The following CLIP4 variants were observed in gnomAD, a reference collection of about 807,000 sequenced individuals.
The protein encoded by CLIP4 is CAP-Gly domain containing linker protein family member 4, also known as CAP-Gly domain-containing linker protein 4.
CLIP4 carries 47 observed loss-of-function variants against 73.1 expected under a neutral mutation model. The ratio of observed to expected loss-of-function variants is 0.64; its 90% CI spans 0.51 to 0.82. The LOEUF is 0.82. Ranked by LOEUF, CLIP4 falls within the 40% of genes least tolerant of loss-of-function variation. The pLI, the probability that CLIP4 is intolerant of heterozygous loss-of-function variation, is 0.00. For synonymous variants in CLIP4, 306 were observed against 295.4 expected, an observed-to-expected ratio of 1.04 and a Z score of -0.37; for missense variants, 874 against 852.9, an observed-to-expected ratio of 1.02 and a Z score of -0.31.
intron 2 of CLIP4, among the ~76,000 whole-genome samples, chr2:29,126,343 T>G (rs1348172611): frequency 6.6e-6 from 1 of 152,236 alleles, no homozygotes; most frequent in African/African-American, 2.4e-5. Context: ...ATGTTCTCAT[T>G]CTGGGTTATT....
chr2:29,145,135 T>G, intron 7 of CLIP4, 97 bp from the exon 8 acceptor site: 1 of 1,051,260 alleles, frequency 9.5e-7, no homozygotes, highest in Non-Finnish European at 1.4e-6. Flanking sequence ...AGAGAGTGAA[T>G]TTTTAAAAAC....
At chr2:29,177,868 C>T (rs1023069626) in intron 15 of CLIP4, among the ~76,000 whole-genome samples, 1 of 152,158 alleles carries the variant, frequency 6.6e-6, no homozygotes, top group African/African-American at 2.4e-5. Flanking sequence ...GTAAACAGAG[C>T]TCTCAAACAT....
intron 1 of CLIP4, among the ~76,000 whole-genome samples, chr2:29,109,537 T>C (rs561738066): frequency 6.6e-6 from 1 of 152,314 alleles, no homozygotes; most frequent in East Asian, 1.9e-4. Flanking sequence ...CTTGTAGCTA[T>C]TTGAAACCAT....
chr2:29,132,121 G>C, intron 3 of CLIP4, 31 bp from the exon 4 acceptor site: 1 of 1,553,494 alleles, frequency 6.4e-7, no homozygotes, highest in East Asian at 2.2e-5. Context: ...CAGTAGTTAG[G>C]TTGTAACCAT....
intron 2 of CLIP4, among the ~76,000 whole-genome samples, chr2:29,127,080 C>T (rs1405841304): frequency 1.3e-5 from 2 of 152,092 alleles, no homozygotes; most frequent in Non-Finnish European, 2.9e-5. Context: ...AGTTTTGTCT[C>T]ATTAAGCTGG....
At chr2:29,143,557 A>T in intron 6 of CLIP4, 152 bp from the exon 7 acceptor site, 2 of 626,956 alleles carry the variant, frequency 3.2e-6, no homozygotes, top group Non-Finnish European at 2.8e-6. Context: ...AGCACCTAGA[A>T]TGGTGTCTGC....
At chr2:29,176,320 A>T (rs912500469) in intron 15 of CLIP4, among the ~76,000 whole-genome samples, 1 of 152,150 alleles carries the variant, frequency 6.6e-6, no homozygotes, top group Admixed American at 6.5e-5. Context: ...TTGAGAAAGT[A>T]TGTTTCTTGA....
intron 1 of CLIP4, among the ~76,000 whole-genome samples, chr2:29,098,135 G>A (rs1257562861): frequency 3.9e-5 from 6 of 152,174 alleles, no homozygotes; most frequent in South Asian, 4.1e-4. Flanking sequence ...CCTTTTGTAC[G>A]TAATGGAATG....
intron 2 of CLIP4, chr2:29,130,028 A>G (rs1413972279): frequency 4.2e-6 from 2 of 470,990 alleles, no homozygotes; most frequent in African/African-American, 4.0e-5. Context: ...CCTTTTGAAC[A>G]GAATAGGTTG....
At chr2:29,116,226 G>C (rs574960312) in intron 1 of CLIP4, among the ~76,000 whole-genome samples, 16 of 152,190 alleles carry the variant, frequency 1.1e-4, no homozygotes, top group Non-Finnish European at 2.4e-4. Context: ...AGCTGAGCCC[G>C]CATCCTTAAG....
intron 13 of CLIP4, among the ~76,000 whole-genome samples, 153 bp downstream of exon 13, chr2:29,164,107 C>T (rs1667456966): frequency 6.6e-6 from 1 of 152,136 alleles, no homozygotes; most frequent in Non-Finnish European, 1.5e-5. Flanking sequence ...AGAGAAGGCT[C>T]ATGGAAAGCT....
chr2:29,155,961 A>G (rs1666895675), intron 9 of CLIP4, among the ~76,000 whole-genome samples: 1 of 152,154 alleles, frequency 6.6e-6, no homozygotes. Flanking sequence ...TGCTTTTCCT[A>G]CATTTCATAA....
upstream of CLIP4, among the ~76,000 whole-genome samples, chr2:29,111,648 T>C (rs1370525442): frequency 6.6e-6 from 1 of 152,262 alleles, no homozygotes; most frequent in Non-Finnish European, 1.5e-5. Flanking sequence ...TTCCTTTTGA[T>C]TTGTGAAAAG....
intron 1 of CLIP4, among the ~76,000 whole-genome samples, chr2:29,110,002 G>A (rs1443192380): frequency 6.6e-6 from 1 of 152,084 alleles, no homozygotes; most frequent in African/African-American, 2.4e-5. Flanking sequence ...AGGTTGCAGT[G>A]AGCTGAGATT....
rs1454681684 is a variant in CLIP4, at chr2:29,181,945, A to G, written c.*52A>G. ...ATATATATATTTGGTGTAAATAAAG[A>G]GTCCATGGTAAATGGTTTACTTTAT... On this transcript the variant is annotated 3_prime_UTR_variant, in exon 16 of 16. Coordinates refer to ENST00000320081, the MANE Select transcript of CLIP4 (RefSeq NM_024692.6). 2 of 1,426,648 alleles carry G rather than the reference A, an allele frequency of 1.4e-6. No homozygotes were observed. Among genetic ancestry groups the G allele is most frequent in the Non-Finnish European group, 1.9e-6 (2 of 1,054,774 alleles). 88.4% of individuals were successfully genotyped at this position (1,426,648 alleles called of 1,614,324 possible).
intron 8 of CLIP4, among the ~76,000 whole-genome samples, chr2:29,152,285 A>G (rs1195250141): frequency 6.6e-6 from 1 of 152,196 alleles, no homozygotes; most frequent in Non-Finnish European, 1.5e-5. Flanking sequence ...ATTGCTTAGA[A>G]ATGATAGAAA....
At chr2:29,154,421 G>T (rs953323654) in intron 9 of CLIP4, among the ~76,000 whole-genome samples, 2 of 152,120 alleles carry the variant, frequency 1.3e-5, no homozygotes, top group African/African-American at 4.8e-5. Flanking sequence ...GCAGGCACCC[G>T]AAACCCCAAG....
intron 1 of CLIP4, 27 bp from the exon 2 acceptor site, chr2:29,121,347 A>G (rs1243722490): frequency 1.9e-6 from 3 of 1,565,164 alleles, no homozygotes; most frequent in Middle Eastern, 1.7e-4. Flanking sequence ...TAAAGTAGAA[A>G]CACTTTTTTT....
intron 12 of CLIP4, 63 bp from the exon 13 acceptor site, chr2:29,163,768 A>G (rs1425816647): frequency 7.3e-6 from 11 of 1,515,240 alleles, no homozygotes; most frequent in Middle Eastern, 1.8e-4. Context: ...TTGGTTTTGT[A>G]TAGTAGCATA....
Sources: allele counts gnomAD v4.1 joint callset (sites outside exome capture counted in the v4.1 genomes callset), GRCh38; gene constraint gnomAD v4.1.1; transcripts MANE v1.5; gene names NCBI Gene and HGNC (gene_info 2026-07-23, HGNC 2026-07-21).